MCCC2: variants seen among roughly 807,000 people sequenced by gnomAD.
MCCC2 encodes the protein methylcrotonoyl-CoA carboxylase beta chain, mitochondrial.
MCCC2 carries 52 observed loss-of-function variants against 77.2 expected under a neutral mutation model. That is an observed-to-expected ratio of 0.67 (90% CI 0.54 to 0.85). MCCC2 has a LOEUF of 0.85. Ranked by LOEUF, MCCC2 falls within the 40% of genes least tolerant of loss-of-function variation. The pLI is 0.00. For synonymous variants in MCCC2, 253 were observed against 248.4 expected (o/e 1.02, Z -0.18); for missense variants, 682 against 703.2 (o/e 0.97, Z 0.34).
intron 6 of MCCC2, among the ~76,000 whole-genome samples, chr5:71,611,370 C>G (rs1295166529): frequency 6.6e-6 from 1 of 152,220 alleles, no homozygotes; most frequent in Middle Eastern, 3.4e-3. Context: ...CCACTGCACT[C>G]CAGCCTGAGA....
chr5:71,607,777 CT>C (rs1371589268), intron 6 of MCCC2, among the ~76,000 whole-genome samples: 1 of 150,136 alleles, frequency 6.7e-6, no homozygotes, highest in Non-Finnish European at 1.5e-5. Context: ...TATGTTGTGT[CT>C]TTGTTCTTGT....
chr5:71,633,359 C>T lies in MCCC2; in HGVS notation c.803+1174C>T, dbSNP rs368275999. 3.4e-5 allele frequency among the ~76,000 whole-genome samples: 5 copies of T among 145,518 alleles called. No individual in the cohort carries two copies. In the East Asian group the frequency reaches 6.1e-4, roughly 18 times the overall value. ...ATTCTGGAATTTAACTTCCGTTTGC[C>T]TCCCCTATTCCCCTTGGGACTTAGA... On this transcript the variant is annotated intron_variant, in intron 8 of 16. Transcript: ENST00000340941.
chr5:71,647,216 A>C (rs781648128), intron 13 of MCCC2, among the ~76,000 whole-genome samples: 1 of 152,190 alleles, frequency 6.6e-6, no homozygotes, highest in Non-Finnish European at 1.5e-5. Context: ...AGAGGCTCTT[A>C]GTACTTGTTG....
Position 71,652,652 on chromosome 5 carries a change from G to A in MCCC2, c.1489-17G>A, listed in dbSNP as rs1747467207. ...TGTTCACTGAAGCTGACTTACTCAT[G>A]GCCTCTTTTCCTTTAGTTCTCCAGT... is the stretch of plus-strand genomic sequence containing the variant. On this transcript the variant is annotated splice_polypyrimidine_tract_variant and intron_variant, in intron 15 of 16. Transcript: ENST00000340941. 3 of 1,610,668 alleles carry A rather than the reference G, an allele frequency of 1.9e-6. No homozygotes were observed. Among genetic ancestry groups the A allele is most frequent in the African/African-American group, 1.3e-5 (1 of 74,852 alleles).
chr5:71,617,069 G>T (rs1746178269), intron 6 of MCCC2, among the ~76,000 whole-genome samples: 1 of 152,158 alleles, frequency 6.6e-6, no homozygotes, highest in African/African-American at 2.4e-5. Context: ...TTCTTAGCCC[G>T]ATACTTAAGC....
In MCCC2 at chr5:71,612,321, A is replaced by T. The variant is rs138913938; in HGVS notation, c.624+7853A>T. Among the ~76,000 whole-genome samples, 14 of 152,294 alleles carry T rather than the reference A, an allele frequency of 9.2e-5. No homozygotes were observed. In the East Asian group the frequency reaches 2.3e-3, roughly 25 times the overall value. ...AATATTCTGATTAATCTATACTTGC[A>T]ATTATTATATATCTTTTTGATTTTT... On this transcript the variant is annotated intron_variant, in intron 6 of 16. Transcript: ENST00000340941.
In MCCC2 at chr5:71,587,395, T is replaced by G; in HGVS notation, c.-31T>G. On this transcript the variant is annotated 5_prime_UTR_variant, in exon 1 of 17. Transcript: ENST00000340941. Reference sequence around the variant, plus strand: ...GGAAAGCACCGGCTCCAGGCCAGCGTGGGCCGCTCTCTCGCTCGGTGCCCG... The same window carrying G: ...GGAAAGCACCGGCTCCAGGCCAGCGGGGGCCGCTCTCTCGCTCGGTGCCCG... The G allele has an allele frequency of 6.5e-7, 1 of 1,531,902 alleles. No homozygotes were observed. Among genetic ancestry groups the G allele is most frequent in the Non-Finnish European group, 8.7e-7 (1 of 1,145,278 alleles). 94.9% of individuals were successfully genotyped at this position (1,531,902 alleles called of 1,614,324 possible).
chr5:71,630,775 T>C (rs1395190131), intron 7 of MCCC2, among the ~76,000 whole-genome samples: 1 of 152,200 alleles, frequency 6.6e-6, no homozygotes, highest in Non-Finnish European at 1.5e-5. Flanking sequence ...TCTTTTTTCT[T>C]TTTGTTTCAG....
chr5:71,631,395 A>C (rs1389287329), intron 7 of MCCC2, among the ~76,000 whole-genome samples: 2 of 152,094 alleles, frequency 1.3e-5, no homozygotes, highest in Non-Finnish European at 2.9e-5. Flanking sequence ...GTGGGACTTG[A>C]AGGGTAAGTG....
chr5:71,644,987 T>C (rs1307728799), intron 12 of MCCC2, among the ~76,000 whole-genome samples: 1 of 152,206 alleles, frequency 6.6e-6, no homozygotes, highest in Non-Finnish European at 1.5e-5. Context: ...AAAAAATTGA[T>C]ATGCTATATA....
rs770103295 is a variant in MCCC2 at position 71,656,725 on chromosome 5, T to A, written c.1575-18T>A. 4 of 1,595,240 alleles carry A rather than the reference T, an allele frequency of 2.5e-6. No homozygotes were observed. In the African/African-American group the frequency reaches 5.4e-5, roughly 21 times the overall value. ...GTTTGGTGGTAAATTCATAACTCTT[T>A]TTTTGTTCTTTTGTCAGGGTATGGG... On this transcript the variant is annotated intron_variant, in intron 16 of 16. Transcript: ENST00000340941.
In MCCC2 at chr5:71,594,178, A is replaced by T. The variant is rs146140089; in HGVS notation, c.196+1186A>T. On this transcript the variant is annotated intron_variant, in intron 2 of 16. Coordinates refer to ENST00000340941, the MANE Select transcript of MCCC2 (RefSeq NM_022132.5). ...TGTTAGGGGTGATAACTCAATTGTT[A>T]TGCCCATTTTGAGAGTTTGATTTGG... is the stretch of plus-strand genomic sequence containing the variant. 6.0e-3 allele frequency among the ~76,000 whole-genome samples: 914 copies of T among 152,314 alleles called. 6 individuals are homozygous for T. Among genetic ancestry groups the T allele is most frequent in the African/African-American group, 0.02 (818 of 41,564 alleles).
At chr5:71,603,311 G>C (rs1745520415) in intron 5 of MCCC2, among the ~76,000 whole-genome samples, 1 of 151,702 alleles carries the variant, frequency 6.6e-6, no homozygotes, top group Non-Finnish European at 1.5e-5. Context: ...AGCTACTTGG[G>C]AGGCTGAGGC....
intron 6 of MCCC2, among the ~76,000 whole-genome samples, chr5:71,615,707 C>G (rs577206517): frequency 6.6e-6 from 1 of 152,148 alleles, no homozygotes; most frequent in East Asian, 1.9e-4. Flanking sequence ...TCTTTTGTTC[C>G]AATATTTGGT....
At chr5:71,644,959 T>C (rs552533801) in intron 12 of MCCC2, among the ~76,000 whole-genome samples, 22 of 152,304 alleles carry the variant, frequency 1.4e-4, no homozygotes, top group African/African-American at 5.3e-4. Context: ...TATTTTTTCT[T>C]AATAGTTTCC....
At position 71,654,830 on chromosome 5, in the gene MCCC2, T is replaced by C. The variant is rs1747536165; in HGVS notation, c.1575-1913T>C. 3.3e-5 allele frequency among the ~76,000 whole-genome samples: 5 copies of C among 151,878 alleles called. No homozygotes were observed. In the South Asian group the frequency reaches 1.0e-3, roughly 31 times the overall value. Reference sequence around the variant, plus strand: ...AACAGACAGTAAAGTTTTCTGTGGATCTGTAGATTTTTTTTTTTTTTTTTT... The same window carrying C: ...AACAGACAGTAAAGTTTTCTGTGGACCTGTAGATTTTTTTTTTTTTTTTTT... On this transcript the variant is annotated intron_variant, in intron 16 of 16. Coordinates refer to ENST00000340941, the MANE Select transcript of MCCC2 (RefSeq NM_022132.5).
chr5:71,652,617 C>T, intron 15 of MCCC2, 52 bp from the exon 16 acceptor site: 2 of 1,368,854 alleles, frequency 1.5e-6, no homozygotes, highest in South Asian at 1.2e-5. Flanking sequence ...ATGATCTAAA[C>T]AGGGCCAGTT....
rs1198415592 is a variant in MCCC2, at chr5:71,598,276, G to A, written c.282-1383G>A. 2.0e-5 allele frequency among the ~76,000 whole-genome samples: 3 copies of A among 151,470 alleles called. 1 individual carries two copies. The highest frequency in any genetic ancestry group is 1.3e-4 in the Admixed American group (2 of 15,202). ...AGTAGAGACGGGGTTTCACCATGTTGCCCAGGATGGTCTCAATCTCTTGAC... is the reference window on the plus strand; with the variant it reads ...AGTAGAGACGGGGTTTCACCATGTTACCCAGGATGGTCTCAATCTCTTGAC... On this transcript the variant is annotated intron_variant, in intron 3 of 16. Coordinates refer to ENST00000340941, the MANE Select transcript of MCCC2 (RefSeq NM_022132.5).
intron 11 of MCCC2, 155 bp downstream of exon 11, chr5:71,641,230 A>G (rs1251724321): frequency 4.3e-6 from 3 of 692,846 alleles, no homozygotes; most frequent in Non-Finnish European, 7.7e-6. Flanking sequence ...CTTTATAAAC[A>G]TAATTTGTAG....
Sources: allele counts gnomAD v4.1 joint callset (sites outside exome capture counted in the v4.1 genomes callset), GRCh38; gene constraint gnomAD v4.1.1; transcripts MANE v1.5; gene names NCBI Gene and HGNC (gene_info 2026-07-23, HGNC 2026-07-21).